PEPD: variants seen among roughly 807,000 people sequenced by gnomAD.
The protein encoded by PEPD is xaa-Pro dipeptidase.
A neutral mutation model predicts 60.7 loss-of-function variants in PEPD; 53 were observed. The ratio of observed to expected loss-of-function variants is 0.87; its 90% confidence interval spans 0.70 to 1.10. PEPD has a LOEUF of 1.10. Ranked by LOEUF, PEPD falls within the 50% of genes least tolerant of loss-of-function variation. The pLI is 0.00. For missense variants in PEPD, 711 were observed against 711.9 expected (o/e 1.00, Z 0.01); for synonymous variants, 267 against 284.1 (o/e 0.94, Z 0.60).
chr19:33,393,909 C>A (rs1274926277), intron 12 of PEPD, among the ~76,000 whole-genome samples: 1 of 152,262 alleles, frequency 6.6e-6, no homozygotes, highest in South Asian at 2.1e-4. Flanking sequence ...CCTGTGATGC[C>A]TCATCCAAGG....
intron 12 of PEPD, among the ~76,000 whole-genome samples, chr19:33,399,348 G>A (rs1339023099): frequency 1.3e-5 from 2 of 152,204 alleles, no homozygotes; most frequent in Non-Finnish European, 2.9e-5. Flanking sequence ...TAAACCAGGT[G>A]AGTCCGATCA....
At chr19:33,516,035 G>A (rs1164564136) in intron 1 of PEPD, among the ~76,000 whole-genome samples, 2 of 152,066 alleles carry the variant, frequency 1.3e-5, no homozygotes, top group Non-Finnish European at 2.9e-5. Context: ...TCTCCATGGG[G>A]CTCCGCCAGA....
chr19:33,497,203 C>G (rs1021533738), intron 4 of PEPD, among the ~76,000 whole-genome samples: 4 of 152,250 alleles, frequency 2.6e-5, no homozygotes, highest in African/African-American at 7.2e-5. Context: ...CACAGTGGCC[C>G]CTGCTGACCC....
At chr19:33,493,143 T>C in intron 5 of PEPD, 147 bp downstream of exon 5, 2 of 686,270 alleles carry the variant, frequency 2.9e-6, no homozygotes, top group Non-Finnish European at 5.3e-6. Flanking sequence ...CTCAAGGCAC[T>C]TGGATAACAG....
At chr19:33,440,424 TC>T (rs1251471958) in intron 9 of PEPD, among the ~76,000 whole-genome samples, 2 of 152,074 alleles carry the variant, frequency 1.3e-5, no homozygotes, top group African/African-American at 4.8e-5. Flanking sequence ...GGCTCGCTGC[TC>T]CTGACCTGGC....
intron 11 of PEPD, among the ~76,000 whole-genome samples, chr19:33,406,751 C>T (rs937923115): frequency 2.0e-5 from 3 of 152,218 alleles, no homozygotes; most frequent in African/African-American, 7.2e-5. Flanking sequence ...GGCCGCATCC[C>T]AGGCTGCAGG....
rs2145297835 is a variant in PEPD, at chr19:33,478,094, T to C, written c.504-4A>G. 3 of 1,606,264 alleles carry C rather than the reference T, an allele frequency of 1.9e-6. No homozygotes were observed. The highest frequency in any genetic ancestry group is 2.2e-5 in the East Asian group (1 of 44,796). On this transcript the variant is annotated splice_region_variant and splice_polypyrimidine_tract_variant and intron_variant, in intron 6 of 14. Transcript: ENST00000244137. ...AATGGTATTGTTGACTTCGAACCTG[T>C]AGGGCGAAAAGAAATCAAGCCCATT...
intron 6 of PEPD, among the ~76,000 whole-genome samples, chr19:33,488,116 T>C (rs1970431014): frequency 6.6e-6 from 1 of 151,952 alleles, no homozygotes. Context: ...CAAGCAAAGC[T>C]CTCACCGCTG....
At chr19:33,502,848 T>G (rs910993048) in intron 3 of PEPD, among the ~76,000 whole-genome samples, 3 of 151,886 alleles carry the variant, frequency 2.0e-5, no homozygotes, top group Admixed American at 2.0e-4. Context: ...TTTCATTCTT[T>G]CGTTGCTTCA....
intron 9 of PEPD, among the ~76,000 whole-genome samples, chr19:33,434,170 G>C (rs1969329494): frequency 6.6e-6 from 1 of 152,120 alleles, no homozygotes; most frequent in African/African-American, 2.4e-5. Context: ...TCGTGTCCCT[G>C]ACTGTGGCAA....
Position 33,474,224 on chromosome 19 carries a change from C to G in PEPD, c.548+3822G>C, listed in dbSNP as rs941068175. 3.3e-5 allele frequency among the ~76,000 whole-genome samples: 5 copies of G among 152,242 alleles called. No homozygotes were observed. In the South Asian group the frequency reaches 8.3e-4, roughly 25 times the overall value. ...GATGACTGACACTCAGGCAGCCCCA[C>G]TCCACGGGTGCCCCCTCAGAGCTGC... On this transcript the variant is annotated intron_variant, in intron 7 of 14. Coordinates refer to ENST00000244137, the MANE Select transcript of PEPD (RefSeq NM_000285.4).
chr19:33,472,313 A>T (rs887660306), intron 7 of PEPD, among the ~76,000 whole-genome samples: 1 of 152,200 alleles, frequency 6.6e-6, no homozygotes, highest in African/African-American at 2.4e-5. Flanking sequence ...GGGCAAGAGC[A>T]TAAGACCCTG....
At position 33,410,610 on chromosome 19, in the gene PEPD, G is replaced by A. The variant is rs140538094; in HGVS notation, c.818+1062C>T. Reference sequence around the variant, plus strand: ...AGCTGGCACATTGGGGTGGCTCCTCGATGGGAAGGCGGAGGCAGCCCAGCT... The same window carrying A: ...AGCTGGCACATTGGGGTGGCTCCTCAATGGGAAGGCGGAGGCAGCCCAGCT... On this transcript the variant is annotated intron_variant, in intron 11 of 14. Transcript: ENST00000244137. Among the ~76,000 whole-genome samples, 28 of 152,332 alleles carry A rather than the reference G, an allele frequency of 1.8e-4. 1 individual carries two copies. The highest frequency in any genetic ancestry group is 6.7e-4 in the African/African-American group (28 of 41,582).
chr19:33,432,309 C>T (rs1011180268), intron 9 of PEPD, among the ~76,000 whole-genome samples: 2 of 152,208 alleles, frequency 1.3e-5, no homozygotes, highest in African/African-American at 4.8e-5. Context: ...TGTCTGCACA[C>T]GGAGGTATCC....
chr19:33,410,660 C>T (rs1243362142), intron 11 of PEPD, among the ~76,000 whole-genome samples: 1 of 152,170 alleles, frequency 6.6e-6, no homozygotes, highest in East Asian at 1.9e-4. Flanking sequence ...CCTCAGAGGA[C>T]ATGCCATGCT....
intron 9 of PEPD, 109 bp from the exon 10 acceptor site, chr19:33,413,752 G>T: frequency 1.4e-6 from 1 of 711,430 alleles, no homozygotes; most frequent in South Asian, 1.5e-5. Context: ...CTCCCCTGCC[G>T]TGGCCCCACA....
chr19:33,421,234 A>G (rs1969010443), intron 9 of PEPD, among the ~76,000 whole-genome samples: 1 of 152,192 alleles, frequency 6.6e-6, no homozygotes, highest in Non-Finnish European at 1.5e-5. Context: ...GCTGTGTCAC[A>G]GGGTTTTTGG....
chr19:33,434,005 A>G (rs1188019414), intron 9 of PEPD, among the ~76,000 whole-genome samples: 1 of 152,000 alleles, frequency 6.6e-6, no homozygotes, highest in African/African-American at 2.4e-5. Context: ...AGACCCCAGG[A>G]CATTTCTTGT....
In PEPD at chr19:33,390,812, A is replaced by G. The variant is rs557612652; in HGVS notation, c.1152+483T>C. Among the ~76,000 whole-genome samples, 9 of 152,096 alleles carry G rather than the reference A, an allele frequency of 5.9e-5. No homozygotes were observed. In the East Asian group the frequency reaches 1.7e-3, roughly 29 times the overall value. Reference sequence around the variant, plus strand: ...GTGCGGCCCAGGGGCCTGGGAGGAGAGGGCGAACCAGCGGCAGAGCAGGGC... The same window carrying G: ...GTGCGGCCCAGGGGCCTGGGAGGAGGGGGCGAACCAGCGGCAGAGCAGGGC... On this transcript the variant is annotated intron_variant, in intron 13 of 14. Transcript: ENST00000244137.
Sources: gnomAD v4.1 joint callset for allele counts (sites outside exome capture counted in the v4.1 genomes callset) on GRCh38, gnomAD v4.1.1 for gene constraint, MANE v1.5 for transcripts, NCBI Gene and HGNC (gene_info 2026-07-23, HGNC 2026-07-21) for gene names.